Variants in P4HA1 observed in about 807,000 individuals in gnomAD.
P4HA1 encodes prolyl 4-hydroxylase subunit alpha-1.
In P4HA1, 24 loss-of-function variants were observed where a neutral mutation model predicts 72.8. The observed-to-expected ratio is 0.33, with a 90% CI of 0.24 to 0.46. P4HA1 has a LOEUF of 0.46. Ranked by LOEUF, P4HA1 falls within the 20% of genes least tolerant of loss-of-function variation. The pLI, the probability that P4HA1 is intolerant of heterozygous loss-of-function variation, is 1.00. For missense variants in P4HA1, 446 were observed against 640.6 expected (o/e 0.70, Z 3.28); for synonymous variants, 201 against 218.8 (o/e 0.92, Z 0.72).
intron 5 of P4HA1, among the ~76,000 whole-genome samples, chr10:73,068,564 T>C (rs61865786): frequency 0.041 from 6,182 of 152,238 alleles, 189 homozygotes; most frequent in Non-Finnish European, 0.065. Context: ...TAAAAACATT[T>C]GGTGAAATGA....
intron 10 of P4HA1, among the ~76,000 whole-genome samples, chr10:73,017,247 C>A (rs989814092): frequency 3.3e-5 from 5 of 149,358 alleles, no homozygotes; most frequent in Non-Finnish European, 7.4e-5. Flanking sequence ...ATATCTATAT[C>A]TACAGATGTA....
At chr10:73,094,736 T>A (rs141802196) in intron 1 of P4HA1, among the ~76,000 whole-genome samples, 2 of 152,192 alleles carry the variant, frequency 1.3e-5, no homozygotes, top group Non-Finnish European at 2.9e-5. Flanking sequence ...TCTGCACTAA[T>A]AGAAAAGGTT....
chr10:73,071,195 A>T (rs1425742898), intron 4 of P4HA1: 5 of 110,038 alleles, frequency 4.5e-5, no homozygotes, highest in African/African-American at 1.6e-4. Flanking sequence ...CTGTCTCCAA[A>T]AAAAAAAAAA....
At chr10:73,077,317 G>T (rs1038295972) in intron 1 of P4HA1, among the ~76,000 whole-genome samples, 3 of 152,186 alleles carry the variant, frequency 2.0e-5, no homozygotes, top group Non-Finnish European at 4.4e-5. Flanking sequence ...ACTCTGATAA[G>T]AGAGTTTAGA....
chr10:73,032,210 T>C (rs1840448335), intron 9 of P4HA1, among the ~76,000 whole-genome samples: 1 of 152,190 alleles, frequency 6.6e-6, no homozygotes, highest in Non-Finnish European at 1.5e-5. Flanking sequence ...CAATTAAAAA[T>C]GATTTCCCCA....
intron 1 of P4HA1, among the ~76,000 whole-genome samples, chr10:73,095,261 G>A (rs1842138774): frequency 6.7e-6 from 1 of 150,320 alleles, no homozygotes; most frequent in East Asian, 1.9e-4. Context: ...AAAATCACGG[G>A]GTGTGTATTC....
intron 9 of P4HA1, among the ~76,000 whole-genome samples, chr10:73,038,350 GGAA>G (rs1381214826): frequency 5.9e-5 from 9 of 152,096 alleles, no homozygotes; most frequent in Admixed American, 1.3e-4. Context: ...CCGTATTGTA[GGAA>G]ATCATCACTT....
At chr10:73,043,362 T>C (rs776558939) in intron 9 of P4HA1, among the ~76,000 whole-genome samples, 3 of 152,246 alleles carry the variant, frequency 2.0e-5, no homozygotes, top group Non-Finnish European at 4.4e-5. Flanking sequence ...ATTGTAATAC[T>C]GTCACCCAAT....
Position 73,030,333 on chromosome 10 carries a change from G to A in P4HA1, c.1186C>T (p.Arg396Ter), listed in dbSNP as rs1840404636. Residue 396 changes from arginine to a stop codon, truncating the protein, a stop_gained, in exon 10 of 15, where the codon CGA becomes TGA. Coordinates refer to ENST00000394890, the MANE Select transcript of P4HA1 (RefSeq NM_001017962.3). LOFTEE classifies it high-confidence loss of function. Reference protein sequence around the residue: ...LSGYENPVVSRINMRIQDLTG... With the variant: ...LSGYENPVVS The stretch of plus-strand genomic sequence containing the variant: ...AGATCTTGTATTCTCATATTAATTC[G>A]AGACACCACAGGATTTTCATAGCCA... 5 of 1,578,866 alleles carry A rather than the reference G, an allele frequency of 3.2e-6. No homozygotes were observed. Among genetic ancestry groups the A allele is most frequent in the Non-Finnish European group, 3.5e-6 (4 of 1,155,910 alleles).
intron 9 of P4HA1, among the ~76,000 whole-genome samples, chr10:73,038,109 G>A (rs553858160): frequency 3.9e-5 from 6 of 152,160 alleles, no homozygotes; most frequent in African/African-American, 1.4e-4. Context: ...ACAAAACTTA[G>A]CTGGGCATGG....
intron 9 of P4HA1, among the ~76,000 whole-genome samples, chr10:73,037,548 T>TAC (rs1564624826): frequency 7.3e-4 from 21 of 28,838 alleles, no homozygotes; most frequent in South Asian, 3.4e-3. Flanking sequence ...TATATATATA[T>TAC]ATATATATAT....
At chr10:73,061,186 T>C (rs1841302689) in intron 5 of P4HA1, among the ~76,000 whole-genome samples, 1 of 152,112 alleles carries the variant, frequency 6.6e-6, no homozygotes, top group Non-Finnish European at 1.5e-5. Context: ...ATCAGCATCA[T>C]AAAAAGTGGG....
At chr10:73,076,072 C>T (rs918670039) in intron 1 of P4HA1, among the ~76,000 whole-genome samples, 1 of 151,922 alleles carries the variant, frequency 6.6e-6, no homozygotes, top group African/African-American at 2.4e-5. Flanking sequence ...AAGACCCCAT[C>T]TCTAAAAAAC....
chr10:73,039,465 C>A (rs983023471), intron 9 of P4HA1, among the ~76,000 whole-genome samples: 7 of 152,084 alleles, frequency 4.6e-5, no homozygotes, highest in African/African-American at 1.7e-4. Flanking sequence ...CGCCACCATG[C>A]CCGGCTAATT....
At chr10:73,086,792 G>A (rs1841931530) in intron 1 of P4HA1, among the ~76,000 whole-genome samples, 1 of 151,974 alleles carries the variant, frequency 6.6e-6, no homozygotes, top group South Asian at 2.1e-4. Context: ...AATTAGCCAG[G>A]CGTGGTGGCA....
In P4HA1 at chr10:73,036,557, C is replaced by T. The variant is rs552458878; in HGVS notation, c.1149-6187G>A. Among the ~76,000 whole-genome samples, 20 of 152,042 alleles carry T rather than the reference C, an allele frequency of 1.3e-4. 1 individual carries two copies. In the South Asian group the frequency reaches 3.7e-3, roughly 28 times the overall value. On this transcript the variant is annotated intron_variant, in intron 9 of 14. Coordinates refer to ENST00000394890, the MANE Select transcript of P4HA1 (RefSeq NM_001017962.3). ...AACTACAAGCATGCACCACCACGCC[C>T]GGCTAATTTTTGTATTTTTTTGTAG...
chr10:73,043,777 A>G, intron 9 of P4HA1: 1 of 809,046 alleles, frequency 1.2e-6, no homozygotes. Context: ...TCAAACATCT[A>G]TGCCTAACCA....
intron 7 of P4HA1, among the ~76,000 whole-genome samples, chr10:73,047,746 T>C (rs888105558): frequency 6.6e-6 from 1 of 152,116 alleles, no homozygotes; most frequent in Non-Finnish European, 1.5e-5. Flanking sequence ...TGCCTACTTC[T>C]CTTAATTAAA....
chr10:73,039,028 C>T (rs1218989288), intron 9 of P4HA1, among the ~76,000 whole-genome samples: 2 of 152,096 alleles, frequency 1.3e-5, no homozygotes, highest in Non-Finnish European at 2.9e-5. Flanking sequence ...TGCAATGGCT[C>T]GCGCCTGTAA....
Sources: gnomAD v4.1 joint callset for allele counts (sites outside exome capture counted in the v4.1 genomes callset) on GRCh38, gnomAD v4.1.1 for gene constraint, MANE v1.5 for transcripts, NCBI Gene and HGNC (gene_info 2026-07-23, HGNC 2026-07-21) for gene names.